FNDC3A: variants seen among roughly 807,000 people sequenced by gnomAD.
The protein encoded by FNDC3A is fibronectin type III domain containing 3A.
In FNDC3A, 32 loss-of-function variants were observed where a neutral mutation model predicts 148.9. That is an observed-to-expected ratio of 0.21 (90% CI 0.16 to 0.29). FNDC3A has a LOEUF of 0.29. Ranked by LOEUF, FNDC3A falls within the 10% of genes least tolerant of loss-of-function variation. The pLI, the probability that FNDC3A is intolerant of heterozygous loss-of-function variation, is 1.00. For synonymous variants in FNDC3A, 472 were observed against 473.6 expected (o/e 1.00, Z 0.04); for missense variants, 1,191 against 1,452.8 (o/e 0.82, Z 2.93).
At chr13:49,157,660 T>C (rs1441377544) in intron 8 of FNDC3A, among the ~76,000 whole-genome samples, 1 of 148,218 alleles carries the variant, frequency 6.7e-6, no homozygotes, top group African/African-American at 2.5e-5. Context: ...TTTTATCTAC[T>C]TTTGGTCTTT....
chr13:49,106,977 TA>T (rs1455317458), intron 3 of FNDC3A, among the ~76,000 whole-genome samples: 1 of 152,138 alleles, frequency 6.6e-6, no homozygotes, highest in African/African-American at 2.4e-5. Flanking sequence ...AAATTATTTT[TA>T]AAAGAAAGGT....
At chr13:48,986,391 T>TG (rs1951797817) in intron 1 of FNDC3A, among the ~76,000 whole-genome samples, 2 of 104,938 alleles carry the variant, frequency 1.9e-5, no homozygotes, top group African/African-American at 3.6e-5. Flanking sequence ...AGTTGTTTTT[T>TG]TTTTTTTTTT....
intron 8 of FNDC3A, among the ~76,000 whole-genome samples, chr13:49,165,602 T>C (rs986287761): frequency 4.6e-5 from 7 of 152,132 alleles, no homozygotes; most frequent in Non-Finnish European, 5.9e-5. Flanking sequence ...CCAGGTGTTG[T>C]ACATGAGTAC....
chr13:49,204,759 A>C (rs1886571717), intron 25 of FNDC3A, among the ~76,000 whole-genome samples: 1 of 135,240 alleles, frequency 7.4e-6, no homozygotes, highest in Non-Finnish European at 1.6e-5. Context: ...TGAGCAGGTT[A>C]ATCTGTTTTC....
intron 2 of FNDC3A, among the ~76,000 whole-genome samples, chr13:49,030,246 A>G (rs145652577): frequency 6.6e-6 from 1 of 152,230 alleles, no homozygotes; most frequent in African/African-American, 2.4e-5. Flanking sequence ...TTCAACATAC[A>G]TAGAACAATC....
At chr13:49,060,625 C>T (rs547671837) in intron 2 of FNDC3A, among the ~76,000 whole-genome samples, 2 of 112,368 alleles carry the variant, frequency 1.8e-5, no homozygotes, top group Non-Finnish European at 3.3e-5. Flanking sequence ...GCCTGGGCGA[C>T]AGAACGAGAC....
chr13:49,186,027 C>T lies in FNDC3A; in HGVS notation c.1681C>T (p.Pro561Ser). The T allele has an allele frequency of 6.2e-7, 1 of 1,611,836 alleles. No individual in the cohort carries two copies. The highest frequency in any genetic ancestry group is 8.5e-7 in the Non-Finnish European group (1 of 1,178,230). The change falls in exon 15 of 26, where the codon CCT becomes TCT. Residue 561 changes from proline (P) to serine (S), a missense_variant. Physicochemically the swap from Pro to Ser is moderately conservative, Grantham distance 74. Around this residue, in one of 3 missense-constraint regions of FNDC3A, gnomAD observed 751 missense variants for 944.0 expected, o/e 0.80. Transcript: ENST00000492622. ...TGAAGTAGTAGAATTTACTACTTGC[C>T]CTGATAAACCAGGCATACCTGTAAA... ...PSEVVEFTTC[P>S]DKPGIPVKPS...
intron 2 of FNDC3A, among the ~76,000 whole-genome samples, chr13:49,070,021 T>C (rs1402340993): frequency 1.3e-5 from 2 of 152,206 alleles, no homozygotes; most frequent in Non-Finnish European, 2.9e-5. Flanking sequence ...AATTAAGTTA[T>C]ATAAAAACTA....
At chr13:49,119,830 T>C (rs914398601) in intron 4 of FNDC3A, among the ~76,000 whole-genome samples, 1 of 152,042 alleles carries the variant, frequency 6.6e-6, no homozygotes, top group Non-Finnish European at 1.5e-5. Flanking sequence ...CCAAGAAATA[T>C]GGGACTATGT....
At chr13:49,164,408 A>G (rs971806938) in intron 8 of FNDC3A, among the ~76,000 whole-genome samples, 1 of 152,160 alleles carries the variant, frequency 6.6e-6, no homozygotes, top group African/African-American at 2.4e-5. Context: ...TCTGTTTCAT[A>G]TCTGACTCTC....
intron 19 of FNDC3A, 128 bp downstream of exon 19, chr13:49,191,512 C>T (rs1885886814): frequency 1.1e-5 from 7 of 656,148 alleles, no homozygotes; most frequent in Non-Finnish European, 1.5e-5. Flanking sequence ...CAATTTTTAA[C>T]AAGCCTACAT....
intron 17 of FNDC3A, among the ~76,000 whole-genome samples, chr13:49,190,783 T>C (rs1885844350): frequency 6.6e-6 from 1 of 152,218 alleles, no homozygotes; most frequent in Admixed American, 6.5e-5. Flanking sequence ...TAACTTGCTT[T>C]GTATATAGTA....
At position 49,166,907 on chromosome 13, in the gene FNDC3A, A is replaced by C. The variant is rs185431447; in HGVS notation, c.978-337A>C. On this transcript the variant is annotated intron_variant, in intron 8 of 25. Transcript: ENST00000492622. ...GCTTTCAACAGTACATGTTTTATTT[A>C]TTAACTGTGCAAAATGGATTTTTAA... Among the ~76,000 whole-genome samples the C allele has an allele frequency of 4.3e-4, 65 of 152,318 alleles. 1 individual carries two copies. Among genetic ancestry groups the C allele is most frequent in the Admixed American group, 4.1e-3 (63 of 15,304 alleles).
intron 7 of FNDC3A, among the ~76,000 whole-genome samples, chr13:49,140,945 G>A (rs1882654542): frequency 6.6e-6 from 1 of 152,228 alleles, no homozygotes; most frequent in Admixed American, 6.5e-5. Context: ...TTGAGGACAG[G>A]GGTGGAAAGT....
chr13:49,127,605 T>A (rs1881777885), intron 4 of FNDC3A, among the ~76,000 whole-genome samples: 1 of 152,226 alleles, frequency 6.6e-6, no homozygotes, highest in Non-Finnish European at 1.5e-5. Flanking sequence ...ATACACTGTC[T>A]TAGTTTTCCT....
chr13:48,990,401 T>C (rs150890832), intron 1 of FNDC3A, among the ~76,000 whole-genome samples: 70 of 151,658 alleles, frequency 4.6e-4, no homozygotes, highest in African/African-American at 1.6e-3. Context: ...ATATATAGGA[T>C]TTAAAAAAAA....
intron 11 of FNDC3A, 50 bp downstream of exon 11, chr13:49,172,146 A>C: frequency 8.6e-7 from 1 of 1,163,464 alleles, no homozygotes; most frequent in Non-Finnish European, 1.2e-6. Flanking sequence ...GCATATGTTC[A>C]GGCAAAATTA....
chr13:49,166,914 G>C (rs1391679465), intron 8 of FNDC3A, among the ~76,000 whole-genome samples: 2 of 152,152 alleles, frequency 1.3e-5, no homozygotes, highest in Non-Finnish European at 2.9e-5. Context: ...TTTATTAACT[G>C]TGCAAAATGG....
chr13:49,188,759 T>C, intron 17 of FNDC3A, 126 bp downstream of exon 17: 2 of 682,980 alleles, frequency 2.9e-6, no homozygotes, highest in South Asian at 3.6e-5. Flanking sequence ...CTGTAACCTG[T>C]TGGGTTAATT....
Sources: gnomAD v4.1 joint callset for allele counts (sites outside exome capture counted in the v4.1 genomes callset) on GRCh38, gnomAD v4.1.1 for gene constraint, gnomAD v4.1.1 regional missense constraint, MANE v1.5 for transcripts, NCBI Gene and HGNC (gene_info 2026-07-23, HGNC 2026-07-21) for gene names.